Variants in CCDC85A observed in about 807,000 individuals in gnomAD.
CCDC85A encodes coiled-coil domain-containing protein 85A.
A neutral mutation model predicts 50.2 loss-of-function variants in CCDC85A; 38 were observed. That is an observed-to-expected ratio of 0.76 (90% CI 0.58 to 0.99). CCDC85A has a LOEUF of 0.99. Among genes scored for constraint, CCDC85A ranks in the 50% least tolerant of loss-of-function variants. The probability of loss-of-function intolerance (pLI) is 0.00; values close to 1 mark genes in which losing one functional copy is unlikely to be tolerated. For missense variants in CCDC85A, 820 were observed against 742.0 expected (o/e 1.11, Z -1.22); for synonymous variants, 366 against 301.4 (o/e 1.21, Z -2.22).
intron 2 of CCDC85A, among the ~76,000 whole-genome samples, chr2:56,235,874 C>G (rs1459122669): frequency 6.6e-6 from 1 of 152,176 alleles, no homozygotes; most frequent in Non-Finnish European, 1.5e-5. Context: ...CTGGACAAGA[C>G]AGATTCTCTT....
intron 2 of CCDC85A, among the ~76,000 whole-genome samples, chr2:56,325,288 A>G (rs1268169710): frequency 6.6e-6 from 1 of 152,112 alleles, no homozygotes. Flanking sequence ...AGAAACCATC[A>G]TTTGAAGATA....
chr2:56,352,158 C>T (rs767965499), intron 3 of CCDC85A, among the ~76,000 whole-genome samples: 30 of 152,158 alleles, frequency 2.0e-4, no homozygotes, highest in Non-Finnish European at 3.7e-4. Context: ...ATAAATATAA[C>T]GCATTAGTAA....
At chr2:56,295,367 A>G (rs976405636) in intron 2 of CCDC85A, among the ~76,000 whole-genome samples, 2 of 152,232 alleles carry the variant, frequency 1.3e-5, no homozygotes, top group African/African-American at 2.4e-5. Context: ...TGACTAAGCC[A>G]TGATCTTCCA....
At chr2:56,221,401 G>A (rs1668322603) in intron 2 of CCDC85A, among the ~76,000 whole-genome samples, 1 of 151,352 alleles carries the variant, frequency 6.6e-6, no homozygotes, top group Admixed American at 6.6e-5. Flanking sequence ...ACTGACTGAT[G>A]CCCATAGAAC....
intron 2 of CCDC85A, among the ~76,000 whole-genome samples, chr2:56,200,627 C>T (rs969078550): frequency 6.6e-6 from 1 of 152,152 alleles, no homozygotes; most frequent in Non-Finnish European, 1.5e-5. Flanking sequence ...GATCCTTTAG[C>T]AGCAGAGAGG....
intron 3 of CCDC85A, among the ~76,000 whole-genome samples, chr2:56,364,882 T>G (rs571635535): frequency 8.1e-4 from 124 of 152,340 alleles, no homozygotes; most frequent in African/African-American, 2.9e-3. Flanking sequence ...GTTGATCTCC[T>G]AATTGGAACT....
At position 56,374,526 on chromosome 2, in the gene CCDC85A, T is replaced by C. The variant is rs139597485; in HGVS notation, c.1453-1290T>C. On this transcript the variant is annotated intron_variant, in intron 4 of 5. Coordinates refer to ENST00000407595, the MANE Select transcript of CCDC85A (RefSeq NM_001080433.2). The stretch of plus-strand genomic sequence containing the variant: ...AAAATGTACAGCATAAAAATTCTCT[T>C]GGCTGAGCAGGATTGCTCATGCCTG... Among the ~76,000 whole-genome samples, 1,000 of 152,316 alleles carry C rather than the reference T, an allele frequency of 6.6e-3. 3 individuals carry two copies. The highest frequency in any genetic ancestry group is 0.011 in the Non-Finnish European group (760 of 68,010).
intron 2 of CCDC85A, among the ~76,000 whole-genome samples, chr2:56,277,086 C>A (rs1415388799): frequency 3.3e-5 from 5 of 152,140 alleles, no homozygotes; most frequent in Admixed American, 6.5e-5. Flanking sequence ...TCTGATTATT[C>A]TTTTTTTGCT....
In CCDC85A at chr2:56,277,598, C is replaced by T. The variant is rs566005234; in HGVS notation, c.1241-65281C>T. ...GATAATTGCTTCAGACATTACATTT[C>T]ATAATTTTCTGAAACCCTCGATAGA... On this transcript the variant is annotated intron_variant, in intron 2 of 5. Coordinates refer to ENST00000407595, the MANE Select transcript of CCDC85A (RefSeq NM_001080433.2). Among the ~76,000 whole-genome samples the T allele has an allele frequency of 2.0e-5, 3 of 152,348 alleles. No homozygotes were observed. The South Asian group carries it at 6.2e-4, about 32-fold the overall frequency.
chr2:56,254,045 T>G lies in CCDC85A; in HGVS notation c.1240+60605T>G, dbSNP rs1005381441. On this transcript the variant is annotated intron_variant, in intron 2 of 5. Coordinates refer to ENST00000407595, the MANE Select transcript of CCDC85A (RefSeq NM_001080433.2). Reference sequence around the variant, plus strand: ...CCCTCAACTCTAGTCTTAAGGAAGATACATGTGCATGCACACACATATACA... The same window carrying G: ...CCCTCAACTCTAGTCTTAAGGAAGAGACATGTGCATGCACACACATATACA... Among the ~76,000 whole-genome samples, 17 of 152,180 alleles carry G rather than the reference T, an allele frequency of 1.1e-4. 1 individual carries two copies. Among genetic ancestry groups the G allele is most frequent in the Admixed American group, 1.1e-3 (17 of 15,274 alleles).
chr2:56,203,451 T>C (rs1216935617), intron 2 of CCDC85A, among the ~76,000 whole-genome samples: 2 of 152,134 alleles, frequency 1.3e-5, no homozygotes, highest in Non-Finnish European at 2.9e-5. Flanking sequence ...ATATGCCATG[T>C]GGTTTTCATC....
chr2:56,184,560 C>A lies in CCDC85A; in HGVS notation c.-65C>A. On this transcript the variant is annotated 5_prime_UTR_variant, in exon 1 of 6. Coordinates refer to ENST00000407595, the MANE Select transcript of CCDC85A (RefSeq NM_001080433.2). The stretch of plus-strand genomic sequence containing the variant: ...GGTGTGGGCGGAGGCGGCCTCGCCG[C>A]GCCCGCGCCTTCGGGAGTCGCCTCG... The A allele has an allele frequency of 1.5e-6, 2 of 1,358,146 alleles. No individual in the cohort carries two copies. Among genetic ancestry groups the A allele is most frequent in the Non-Finnish European group, 1.9e-6 (2 of 1,063,742 alleles). 84.1% of individuals were successfully genotyped at this position (1,358,146 alleles called of 1,614,324 possible). A position where few individuals can be genotyped will look rare whatever the true frequency, so the allele number is the denominator to read the frequency against.
chr2:56,254,954 T>G (rs1426091938), intron 2 of CCDC85A, among the ~76,000 whole-genome samples: 1 of 152,198 alleles, frequency 6.6e-6, no homozygotes, highest in Non-Finnish European at 1.5e-5. Context: ...TCACAAAGGT[T>G]TGCTTCTTCC....
chr2:56,253,713 T>C (rs1295701793), intron 2 of CCDC85A, among the ~76,000 whole-genome samples: 2 of 152,120 alleles, frequency 1.3e-5, no homozygotes, highest in Non-Finnish European at 2.9e-5. Flanking sequence ...ATTCAAGAGA[T>C]GTTTCGGAGC....
At chr2:56,381,770 T>C (rs572123360) in intron 5 of CCDC85A, among the ~76,000 whole-genome samples, 2 of 152,182 alleles carry the variant, frequency 1.3e-5, no homozygotes, top group South Asian at 4.1e-4. Context: ...TTTCCTTCCT[T>C]TCAATTTCTG....
chr2:56,371,575 A>C (rs1676073889), intron 3 of CCDC85A, among the ~76,000 whole-genome samples: 1 of 152,014 alleles, frequency 6.6e-6, no homozygotes, highest in South Asian at 2.1e-4. Context: ...GGTCTCTGTG[A>C]AAGTTGGCAG....
At chr2:56,232,212 T>C (rs914064005) in intron 2 of CCDC85A, among the ~76,000 whole-genome samples, 2 of 152,134 alleles carry the variant, frequency 1.3e-5, no homozygotes, top group African/African-American at 2.4e-5. Context: ...CTATTCAGCA[T>C]CACTACTAGG....
intron 2 of CCDC85A, among the ~76,000 whole-genome samples, chr2:56,222,246 C>A (rs1410243947): frequency 1.3e-5 from 2 of 151,998 alleles, no homozygotes; most frequent in Non-Finnish European, 2.9e-5. Context: ...AGTGTAGACA[C>A]TGAGAAAAAG....
chr2:56,341,480 G>A (rs1674368758), intron 2 of CCDC85A, among the ~76,000 whole-genome samples: 1 of 152,142 alleles, frequency 6.6e-6, no homozygotes, highest in Non-Finnish European at 1.5e-5. Context: ...TCTGGAGAAA[G>A]TCTATTGCTG....
Sources: gnomAD v4.1 joint callset for allele counts (sites outside exome capture counted in the v4.1 genomes callset) on GRCh38, gnomAD v4.1.1 for gene constraint, MANE v1.5 for transcripts, NCBI Gene and HGNC (gene_info 2026-07-23, HGNC 2026-07-21) for gene names.